Variants in PLCB1 observed in about 807,000 individuals in gnomAD.
PLCB1 encodes the protein 1-phosphatidylinositol 4,5-bisphosphate phosphodiesterase beta-1.
In PLCB1, 46 loss-of-function variants were observed where a neutral mutation model predicts 161.8. That is an observed-to-expected ratio of 0.28 (90% CI 0.22 to 0.36). PLCB1 has a LOEUF of 0.36. PLCB1 is among the 10% of genes least tolerant of loss of function. The probability of loss-of-function intolerance (pLI) is 1.00; values close to 1 mark genes in which losing one functional copy is unlikely to be tolerated. For synonymous variants in PLCB1, 517 were observed against 503.7 expected, an observed-to-expected ratio of 1.03 and a Z score of -0.35; for missense variants, 1,016 against 1,472.5, an observed-to-expected ratio of 0.69 and a Z score of 5.07.
At chr20:8,488,009 A>G (rs1431802034) in intron 3 of PLCB1, among the ~76,000 whole-genome samples, 3 of 152,222 alleles carry the variant, frequency 2.0e-5, no homozygotes, top group Non-Finnish European at 4.4e-5. Context: ...GGATAAAGTC[A>G]TTAAATCTAG....
chr20:8,698,949 AG>A (rs1475448251), intron 11 of PLCB1, among the ~76,000 whole-genome samples: 1 of 152,206 alleles, frequency 6.6e-6, no homozygotes, highest in Non-Finnish European at 1.5e-5. Context: ...TGGACACCCA[AG>A]CCCAAATATC....
At chr20:8,750,304 A>T (rs1046762768) in intron 23 of PLCB1, among the ~76,000 whole-genome samples, 1 of 152,216 alleles carries the variant, frequency 6.6e-6, no homozygotes, top group African/African-American at 2.4e-5. Flanking sequence ...AAGCTCAAAA[A>T]ACTGAAGTCA....
intron 3 of PLCB1, among the ~76,000 whole-genome samples, chr20:8,425,110 A>G (rs1397226594): frequency 1.3e-5 from 2 of 149,906 alleles, no homozygotes; most frequent in African/African-American, 4.9e-5. Context: ...TTTTGCAACC[A>G]ATGACCTGCA....
At chr20:8,470,060 A>G (rs543333935) in intron 3 of PLCB1, among the ~76,000 whole-genome samples, 6 of 152,268 alleles carry the variant, frequency 3.9e-5, no homozygotes, top group African/African-American at 1.4e-4. Flanking sequence ...CTTCTTTCAT[A>G]TAGCCTAGCG....
At chr20:8,426,382 A>T (rs926238266) in intron 3 of PLCB1, among the ~76,000 whole-genome samples, 2 of 152,182 alleles carry the variant, frequency 1.3e-5, no homozygotes, top group African/African-American at 4.8e-5. Flanking sequence ...GACCACGCGC[A>T]CTGGTTTTGC....
At chr20:8,423,322 G>A (rs982150034) in intron 3 of PLCB1, among the ~76,000 whole-genome samples, 2 of 152,146 alleles carry the variant, frequency 1.3e-5, no homozygotes, top group African/African-American at 4.8e-5. Flanking sequence ...AGCAAAACAG[G>A]TTCTTAAAGA....
chr20:8,741,641 C>T (rs901895773), intron 23 of PLCB1, 68 bp downstream of exon 23: 9 of 972,066 alleles, frequency 9.3e-6, no homozygotes, highest in South Asian at 6.8e-5. Flanking sequence ...TTGGCTTTGC[C>T]TAAGTAATAT....
intron 3 of PLCB1, among the ~76,000 whole-genome samples, chr20:8,464,122 C>T (rs1309530119): frequency 6.6e-6 from 1 of 152,186 alleles, no homozygotes; most frequent in Non-Finnish European, 1.5e-5. Flanking sequence ...GCAGCAGTTT[C>T]TCCTATAGTC....
At chr20:8,333,040 C>T (rs1985426314) in intron 2 of PLCB1, among the ~76,000 whole-genome samples, 1 of 152,164 alleles carries the variant, frequency 6.6e-6, no homozygotes, top group Admixed American at 6.5e-5. Flanking sequence ...GACTACGTGA[C>T]CATTTCTCAC....
chr20:8,754,652 A>G (rs1053892502), intron 23 of PLCB1, among the ~76,000 whole-genome samples: 4 of 152,204 alleles, frequency 2.6e-5, no homozygotes, highest in African/African-American at 9.7e-5. Context: ...TTTGGTAACC[A>G]TGGGCACCCT....
intron 1 of PLCB1, among the ~76,000 whole-genome samples, chr20:8,146,247 A>G (rs1317488341): frequency 1.3e-5 from 2 of 152,220 alleles, no homozygotes; most frequent in Non-Finnish European, 2.9e-5. Context: ...CAATAATGGA[A>G]AAAGTTGAGA....
At chr20:8,451,946 T>A (rs1171099401) in intron 3 of PLCB1, among the ~76,000 whole-genome samples, 1 of 152,106 alleles carries the variant, frequency 6.6e-6, no homozygotes, top group South Asian at 2.1e-4. Flanking sequence ...GTAGTATAGA[T>A]CTTTGAGGAA....
intron 3 of PLCB1, among the ~76,000 whole-genome samples, chr20:8,408,842 C>T (rs978619106): frequency 1.3e-5 from 2 of 152,140 alleles, no homozygotes; most frequent in Non-Finnish European, 2.9e-5. Context: ...AAATATAGTG[C>T]TGTGTGTTCA....
intron 31 of PLCB1, among the ~76,000 whole-genome samples, chr20:8,815,871 GTCTA>G (rs921492837): frequency 6.6e-5 from 10 of 152,176 alleles, no homozygotes; most frequent in Admixed American, 3.9e-4. Context: ...ATATCTATCT[GTCTA>G]TCTAATTATG....
At chr20:8,775,955 A>G (rs1982922991) in intron 27 of PLCB1, among the ~76,000 whole-genome samples, 1 of 152,164 alleles carries the variant, frequency 6.6e-6, no homozygotes, top group Non-Finnish European at 1.5e-5. Flanking sequence ...AAGCAGTGAA[A>G]GAATGGCTGG....
rs74457001 is a variant in PLCB1 at position 8,398,660 on chromosome 20, C to T, written c.246+27210C>T. On this transcript the variant is annotated intron_variant, in intron 3 of 31. Coordinates refer to ENST00000338037, the MANE Select transcript of PLCB1 (RefSeq NM_015192.4). ...CATGGCCTAATCACTTCCCAAAGTCCCTACCTCCAACGCCCTATCACGTTG... is the reference window on the plus strand; with the variant it reads ...CATGGCCTAATCACTTCCCAAAGTCTCTACCTCCAACGCCCTATCACGTTG... Among the ~76,000 whole-genome samples the T allele has an allele frequency of 2.4e-3, 370 of 152,296 alleles. 2 individuals are homozygous for T. The highest frequency in any genetic ancestry group is 8.5e-3 in the African/African-American group (353 of 41,564).
chr20:8,306,462 G>C (rs1222035746), intron 2 of PLCB1: 1 of 152,216 alleles, frequency 6.6e-6, no homozygotes, highest in Non-Finnish European at 1.5e-5. Flanking sequence ...ATTTACTTAA[G>C]TTTTGGATTG....
At chr20:8,616,615 C>A (rs575612646) in intron 3 of PLCB1, among the ~76,000 whole-genome samples, 100 of 152,224 alleles carry the variant, frequency 6.6e-4, no homozygotes, top group African/African-American at 2.2e-3. Flanking sequence ...TAGCACAGTG[C>A]CAGATAAATA....
At chr20:8,192,133 AT>A in intron 2 of PLCB1, among the ~76,000 whole-genome samples, 1 of 152,052 alleles carries the variant, frequency 6.6e-6, no homozygotes, top group South Asian at 2.1e-4. Context: ...ATTTTAAAAA[AT>A]GTCATCCTTT....
Sources: gnomAD v4.1 joint callset for allele counts (sites outside exome capture counted in the v4.1 genomes callset) on GRCh38, gnomAD v4.1.1 for gene constraint, MANE v1.5 for transcripts, NCBI Gene and HGNC (gene_info 2026-07-23, HGNC 2026-07-21) for gene names.